NELL1: variants seen among roughly 807,000 people sequenced by gnomAD.
The protein encoded by NELL1 is neural EGFL like 1, also known as protein kinase C-binding protein NELL1.
Under a neutral mutation model 107.4 loss-of-function variants are expected in NELL1, and 76 were observed. The observed-to-expected ratio is 0.71, with a 90% CI of 0.59 to 0.86. The LOEUF is 0.86. Among genes scored for constraint, NELL1 ranks in the 40% least tolerant of loss-of-function variants. NELL1 has a pLI of 0.00. For missense variants in NELL1, 1,024 were observed against 1,005.5 expected (o/e 1.02, Z -0.25); for synonymous variants, 353 against 341.2 (o/e 1.03, Z -0.38).
chr11:21,075,330 TAAG>T (rs951054098), intron 12 of NELL1, among the ~76,000 whole-genome samples: 11 of 152,200 alleles, frequency 7.2e-5, no homozygotes, highest in African/African-American at 2.4e-4. Flanking sequence ...GGTGGGTTGA[TAAG>T]AAGTACATAT....
At chr11:20,707,903 C>A (rs1010586551) in intron 2 of NELL1, among the ~76,000 whole-genome samples, 2 of 152,216 alleles carry the variant, frequency 1.3e-5, no homozygotes, top group African/African-American at 2.4e-5. Context: ...GTCTGCAGAA[C>A]TTTCTGCTGC....
At chr11:21,057,769 T>A (rs570941396) in intron 12 of NELL1, among the ~76,000 whole-genome samples, 1 of 152,148 alleles carries the variant, frequency 6.6e-6, no homozygotes, top group South Asian at 2.1e-4. Flanking sequence ...AAAAACTGAC[T>A]ATAGATTATG....
chr11:20,891,569 A>G (rs1849617398), intron 5 of NELL1, among the ~76,000 whole-genome samples: 1 of 152,206 alleles, frequency 6.6e-6, no homozygotes, highest in Non-Finnish European at 1.5e-5. Context: ...CAGACTGGCA[A>G]ATTGGATAAG....
chr11:21,474,599 A>G (rs1443209000), intron 15 of NELL1, among the ~76,000 whole-genome samples: 1 of 152,144 alleles, frequency 6.6e-6, no homozygotes, highest in African/African-American at 2.4e-5. Context: ...GAAGCAGCTG[A>G]GGATTTGTAC....
At chr11:20,936,081 A>G (rs149721951) in intron 9 of NELL1, among the ~76,000 whole-genome samples, 1 of 152,268 alleles carries the variant, frequency 6.6e-6, no homozygotes, top group African/African-American at 2.4e-5. Flanking sequence ...TGGGATAGGA[A>G]TGAGGTGGTG....
At chr11:20,985,012 C>G (rs1230727737) in intron 12 of NELL1, among the ~76,000 whole-genome samples, 1 of 152,110 alleles carries the variant, frequency 6.6e-6, no homozygotes, top group East Asian at 1.9e-4. Flanking sequence ...ATTGGGTCAA[C>G]TTTGTTTGCT....
rs113835388 is a variant in NELL1, at chr11:21,540,635, G to GTCCTACAGCTCCA, written c.1786+6121_1786+6122insTCCTACAGCTCCA. The stretch of plus-strand genomic sequence containing the variant: ...AAGGGGAACCAGACATGTCCTACAT[G>GTCCTACAGCTCCA]GCTGGAGCTGGAGGAAGAGAGTGAA... On this transcript the variant is annotated intron_variant, in intron 16 of 19. Coordinates refer to ENST00000357134, the MANE Select transcript of NELL1 (RefSeq NM_006157.5). Among the ~76,000 whole-genome samples the GTCCTACAGCTCCA allele has an allele frequency of 3.2e-3, 480 of 152,170 alleles. 4 individuals carry two copies. Among genetic ancestry groups the GTCCTACAGCTCCA allele is most frequent in the African/African-American group, 0.011 (463 of 41,540 alleles).
intron 4 of NELL1, among the ~76,000 whole-genome samples, chr11:20,879,595 G>A (rs888351512): frequency 1.3e-5 from 2 of 151,984 alleles, no homozygotes; most frequent in Non-Finnish European, 2.9e-5. Context: ...GTGTGTGGGT[G>A]TCAGGTGGGG....
intron 9 of NELL1, among the ~76,000 whole-genome samples, chr11:20,929,929 G>A (rs958174328): frequency 2.0e-5 from 3 of 148,122 alleles, no homozygotes; most frequent in Non-Finnish European, 3.0e-5. Flanking sequence ...CTGAGATCGC[G>A]CCACTGCACT....
At chr11:21,260,328 A>C (rs1042892776) in intron 14 of NELL1, 1 of 152,026 alleles carries the variant, frequency 6.6e-6, no homozygotes, top group Admixed American at 6.6e-5. Flanking sequence ...GCCTAAGGAT[A>C]TAGAAAGATT....
chr11:20,703,459 A>T (rs961823612), intron 2 of NELL1, among the ~76,000 whole-genome samples: 1 of 151,860 alleles, frequency 6.6e-6, no homozygotes, highest in Non-Finnish European at 1.5e-5. Context: ...CAGCTCCCGG[A>T]TTCATTGGTT....
intron 14 of NELL1, among the ~76,000 whole-genome samples, chr11:21,269,352 T>A (rs1037614171): frequency 8.5e-6 from 1 of 117,952 alleles, no homozygotes; most frequent in Non-Finnish European, 1.7e-5. Context: ...GCCAAATCCC[T>A]CTCTCTCTCT....
chr11:21,478,491 C>A (rs1854405181), intron 15 of NELL1, among the ~76,000 whole-genome samples: 1 of 152,042 alleles, frequency 6.6e-6, no homozygotes. Flanking sequence ...GTCCCTTCTC[C>A]CTGGGAGCCT....
chr11:21,255,132 G>T (rs1590776973), intron 14 of NELL1, among the ~76,000 whole-genome samples: 1 of 152,086 alleles, frequency 6.6e-6, no homozygotes, highest in East Asian at 1.9e-4. Flanking sequence ...CTTAACCCTG[G>T]GTGGAGTGGT....
At chr11:20,985,824 CAGA>C (rs1021469503) in intron 12 of NELL1, among the ~76,000 whole-genome samples, 1 of 152,076 alleles carries the variant, frequency 6.6e-6, no homozygotes, top group African/African-American at 2.4e-5. Flanking sequence ...TTTTATGGAG[CAGA>C]AGAAGAACCT....
intron 14 of NELL1, among the ~76,000 whole-genome samples, chr11:21,286,008 CAG>C (rs1849107207): frequency 6.6e-6 from 1 of 152,118 alleles, no homozygotes; most frequent in African/African-American, 2.4e-5. Context: ...AGAAATGAGA[CAG>C]AGAAAAATAA....
chr11:21,523,241 T>G (rs374321778), intron 15 of NELL1, among the ~76,000 whole-genome samples: 8 of 152,298 alleles, frequency 5.3e-5, no homozygotes, highest in African/African-American at 1.9e-4. Flanking sequence ...CTAGTTTAAC[T>G]TGTTTGTGCT....
chr11:21,371,789 A>G (rs1565192314), intron 15 of NELL1, among the ~76,000 whole-genome samples: 1 of 152,044 alleles, frequency 6.6e-6, no homozygotes, highest in Non-Finnish European at 1.5e-5. Flanking sequence ...TGTCGCATTT[A>G]TTATCCTTAC....
At chr11:21,360,917 T>G (rs900186956) in intron 14 of NELL1, among the ~76,000 whole-genome samples, 2 of 152,296 alleles carry the variant, frequency 1.3e-5, no homozygotes, top group East Asian at 1.9e-4. Context: ...ATTCTGCCAT[T>G]CTGCATCTTT....
Sources: allele counts gnomAD v4.1 joint callset (sites outside exome capture counted in the v4.1 genomes callset), GRCh38; gene constraint gnomAD v4.1.1; transcripts MANE v1.5; gene names NCBI Gene and HGNC (gene_info 2026-07-23, HGNC 2026-07-21).